The following SLC35F4 variants were observed in gnomAD, a reference collection of about 807,000 sequenced individuals.
SLC35F4 encodes chromosome 14 open reading frame 36.
A neutral mutation model predicts 44.2 loss-of-function variants in SLC35F4; 24 were observed. That is an observed-to-expected ratio of 0.54 (90% CI 0.39 to 0.76). The LOEUF (loss-of-function observed/expected upper bound fraction) is 0.76. SLC35F4 is among the 30% of genes least tolerant of loss of function. The probability of loss-of-function intolerance (pLI) is 0.00; values close to 1 mark genes in which losing one functional copy is unlikely to be tolerated. For synonymous variants in SLC35F4, 238 were observed against 223.6 expected, an observed-to-expected ratio of 1.06 and a Z score of -0.57; for missense variants, 562 against 586.1, an observed-to-expected ratio of 0.96 and a Z score of 0.42.
intron 1 of SLC35F4, among the ~76,000 whole-genome samples, chr14:57,612,653 T>C (rs2071584740): frequency 6.6e-6 from 1 of 152,248 alleles, no homozygotes; most frequent in South Asian, 2.1e-4. Flanking sequence ...CATAAGCATT[T>C]GTTGAGCTCA....
intron 4 of SLC35F4, among the ~76,000 whole-genome samples, chr14:57,576,931 G>A (rs997047138): frequency 6.6e-6 from 1 of 152,096 alleles, no homozygotes; most frequent in African/African-American, 2.4e-5. Flanking sequence ...GTGTAAAATC[G>A]GACAGCCAGC....
At chr14:57,649,433 A>G (rs1374095239) in intron 1 of SLC35F4, among the ~76,000 whole-genome samples, 1 of 152,088 alleles carries the variant, frequency 6.6e-6, no homozygotes, top group East Asian at 1.9e-4. Context: ...TTTTGTCTTC[A>G]CATCTCCATC....
intron 1 of SLC35F4, among the ~76,000 whole-genome samples, chr14:57,645,905 G>A (rs185888801): frequency 6.0e-4 from 91 of 152,120 alleles, no homozygotes; most frequent in African/African-American, 1.9e-3. Context: ...CTTTGGTTCC[G>A]TTTATATGCT....
At chr14:57,734,550 T>C (rs1196534761) in intron 1 of SLC35F4, among the ~76,000 whole-genome samples, 1 of 152,170 alleles carries the variant, frequency 6.6e-6, no homozygotes, top group South Asian at 2.1e-4. Flanking sequence ...GCAATCCACA[T>C]GTAAAAAGGA....
At chr14:57,768,266 A>G (rs547465883) in intron 1 of SLC35F4, among the ~76,000 whole-genome samples, 3 of 152,356 alleles carry the variant, frequency 2.0e-5, no homozygotes, top group East Asian at 1.9e-4. Flanking sequence ...TCCAATAAAT[A>G]TGGGGATGTA....
intron 1 of SLC35F4, among the ~76,000 whole-genome samples, chr14:57,964,142 C>T (rs1890390809): frequency 6.6e-6 from 1 of 152,040 alleles, no homozygotes; most frequent in Admixed American, 6.5e-5. Flanking sequence ...ACCTTCTTGG[C>T]AAATGTGGGT....
intron 1 of SLC35F4, among the ~76,000 whole-genome samples, chr14:57,892,272 T>C (rs1331134727): frequency 6.6e-6 from 1 of 152,190 alleles, no homozygotes; most frequent in East Asian, 1.9e-4. Flanking sequence ...ATTAAATGTG[T>C]ACACTGGACT....
chr14:57,829,942 A>T (rs1434504505), intron 1 of SLC35F4, among the ~76,000 whole-genome samples: 1 of 152,246 alleles, frequency 6.6e-6, no homozygotes, highest in Non-Finnish European at 1.5e-5. Flanking sequence ...GAAAAAACAC[A>T]GCAGGAAGAA....
intron 1 of SLC35F4, among the ~76,000 whole-genome samples, chr14:57,663,548 A>G (rs2074207542): frequency 1.3e-5 from 2 of 152,214 alleles, no homozygotes; most frequent in South Asian, 4.1e-4. Flanking sequence ...ATTTGTCTTT[A>G]TAGCACAGAG....
chr14:57,964,053 C>G (rs552017126), intron 1 of SLC35F4, among the ~76,000 whole-genome samples: 1 of 152,082 alleles, frequency 6.6e-6, no homozygotes, highest in Non-Finnish European at 1.5e-5. Context: ...AATAGCTGAT[C>G]AGGAGCAATT....
chr14:57,688,966 C>G (rs1456338857), intron 1 of SLC35F4, among the ~76,000 whole-genome samples: 1 of 152,162 alleles, frequency 6.6e-6, no homozygotes, highest in African/African-American at 2.4e-5. Flanking sequence ...GGGGAAGTTG[C>G]CTAAGATGAT....
At chr14:57,884,191 A>G (rs1203325786) in intron 1 of SLC35F4, among the ~76,000 whole-genome samples, 1 of 152,190 alleles carries the variant, frequency 6.6e-6, no homozygotes, top group Non-Finnish European at 1.5e-5. Context: ...TAACTCTTCT[A>G]GACACTTCTT....
intron 1 of SLC35F4, among the ~76,000 whole-genome samples, chr14:57,642,424 A>G (rs2073291183): frequency 6.6e-6 from 1 of 152,016 alleles, no homozygotes; most frequent in Non-Finnish European, 1.5e-5. Context: ...TATCCTAGTA[A>G]TGGCAAATAC....
At chr14:57,574,360 T>C (rs1210378788) in intron 4 of SLC35F4, among the ~76,000 whole-genome samples, 2 of 152,194 alleles carry the variant, frequency 1.3e-5, no homozygotes, top group African/African-American at 4.8e-5. Context: ...ACCACTTAAA[T>C]TGACATGTCA....
At chr14:57,592,240 T>C (rs1674427410) in intron 2 of SLC35F4, among the ~76,000 whole-genome samples, 1 of 152,230 alleles carries the variant, frequency 6.6e-6, no homozygotes, top group South Asian at 2.1e-4. Context: ...GCCCTGCCAT[T>C]GTATGGCATT....
intron 1 of SLC35F4, among the ~76,000 whole-genome samples, chr14:57,679,636 T>C (rs2074822779): frequency 6.6e-6 from 1 of 151,404 alleles, no homozygotes; most frequent in Admixed American, 6.6e-5. Context: ...GCCAGACTAA[T>C]AAAGAAGAAA....
intron 1 of SLC35F4, among the ~76,000 whole-genome samples, chr14:57,859,896 AG>A (rs1887536676): frequency 6.6e-6 from 1 of 152,212 alleles, no homozygotes; most frequent in Admixed American, 6.5e-5. Flanking sequence ...GAGAAGGAAA[AG>A]GCACATTTTA....
intron 1 of SLC35F4, among the ~76,000 whole-genome samples, chr14:57,650,077 T>A (rs1251265940): frequency 6.6e-6 from 1 of 152,088 alleles, no homozygotes; most frequent in African/African-American, 2.4e-5. Flanking sequence ...TCCTTCTTAG[T>A]TTGCTTTTCT....
At chr14:57,955,259 C>T (rs1260883181) in intron 1 of SLC35F4, among the ~76,000 whole-genome samples, 1 of 152,144 alleles carries the variant, frequency 6.6e-6, no homozygotes, top group East Asian at 1.9e-4. Flanking sequence ...ATGCTAAAAA[C>T]TCTCAATAAA....
Sources: allele counts gnomAD v4.1 joint callset (sites outside exome capture counted in the v4.1 genomes callset), GRCh38; gene constraint gnomAD v4.1.1; transcripts MANE v1.5; gene names NCBI Gene and HGNC (gene_info 2026-07-23, HGNC 2026-07-21).